ARHGEF26: variants seen among roughly 807,000 people sequenced by gnomAD.
ARHGEF26 encodes the protein Rho guanine nucleotide exchange factor (GEF) 26.
In ARHGEF26, 59 loss-of-function variants were observed where a neutral mutation model predicts 89.4. The observed-to-expected ratio is 0.66, with a 90% CI of 0.54 to 0.82. The LOEUF (loss-of-function observed/expected upper bound fraction) is 0.82, where lower values mean the gene tolerates loss of function less well. ARHGEF26 is among the 40% of genes least tolerant of loss of function. ARHGEF26 has a pLI of 0.00. For missense variants in ARHGEF26, 1,234 were observed against 1,085.6 expected (o/e 1.14, Z -1.92); for synonymous variants, 500 against 428.4 (o/e 1.17, Z -2.06).
intron 12 of ARHGEF26, among the ~76,000 whole-genome samples, chr3:154,249,110 G>A (rs1158553123): frequency 6.6e-6 from 1 of 152,220 alleles, no homozygotes; most frequent in African/African-American, 2.4e-5. Flanking sequence ...TAAAAGGAAG[G>A]TTAAAGAGCA....
chr3:154,161,100 T>TGTG (rs1553740490), intron 6 of ARHGEF26, among the ~76,000 whole-genome samples: 3 of 17,630 alleles, frequency 1.7e-4, no homozygotes, highest in African/African-American at 2.7e-4. Context: ...GTAGCCAGGT[T>TGTG]TGTGTGTGTG....
intron 6 of ARHGEF26, among the ~76,000 whole-genome samples, chr3:154,157,236 T>G (rs1720390238): frequency 6.6e-6 from 1 of 152,126 alleles, no homozygotes; most frequent in African/African-American, 2.4e-5. Flanking sequence ...TCCAAAGCAT[T>G]TCAGCTGGTG....
chr3:154,209,593 C>T (rs972430255), intron 9 of ARHGEF26, among the ~76,000 whole-genome samples: 1 of 152,234 alleles, frequency 6.6e-6, no homozygotes, highest in African/African-American at 2.4e-5. Flanking sequence ...CCCTTACTGT[C>T]TCCCAGATAC....
In ARHGEF26 at chr3:154,256,856, T is replaced by C; in HGVS notation, c.*1383T>C. ...ACTGTGAGTTTCTATAGAACTTTAC[T>C]TTTTCCACTAGTGCACAGAGAGAGA... On this transcript the variant is annotated 3_prime_UTR_variant, in exon 15 of 15. Transcript: ENST00000465093. 6.5e-7 allele frequency: 1 copy of C among 1,533,682 alleles called. No homozygotes were observed. The highest frequency in any genetic ancestry group is 1.4e-5 in the African/African-American group (1 of 73,018).
At chr3:154,195,699 T>C (rs1714248115) in intron 9 of ARHGEF26, among the ~76,000 whole-genome samples, 1 of 152,174 alleles carries the variant, frequency 6.6e-6, no homozygotes, top group Non-Finnish European at 1.5e-5. Flanking sequence ...TTGAGATTCC[T>C]ATAGAACGTC....
rs1718080813 is a variant in ARHGEF26, at chr3:154,122,924, G to C, written c.932G>C (p.Gly311Ala). Residue 311 changes from glycine (G) to alanine (A), a missense_variant, in exon 2 of 15, where the codon GGC (glycine) becomes GCC (alanine). By Grantham distance (60) the Gly-to-Ala change is moderately conservative (BLOSUM62 0). Coordinates refer to ENST00000465093, the MANE Select transcript of ARHGEF26 (RefSeq NM_015595.4). ...DVDSPGSLRR[G>A]LRSTSYRRAV... ...GATAGCCCAGGGTCTCTGCGGAGAG[G>C]CTTGCGGTCCACGTCTTATCGCAGG... is the stretch of plus-strand genomic sequence containing the variant. 1.2e-6 allele frequency: 2 copies of C among 1,613,446 alleles called. No individual in the cohort carries two copies. Among genetic ancestry groups the C allele is most frequent in the Non-Finnish European group, 1.7e-6 (2 of 1,179,726 alleles).
chr3:154,132,859 A>G (rs1718771089), intron 4 of ARHGEF26, among the ~76,000 whole-genome samples: 1 of 152,032 alleles, frequency 6.6e-6, no homozygotes, highest in African/African-American at 2.4e-5. Flanking sequence ...TAATAATCAA[A>G]ATAGTAAGGT....
intron 9 of ARHGEF26, among the ~76,000 whole-genome samples, chr3:154,207,304 C>T (rs1048614504): frequency 1.2e-4 from 19 of 152,242 alleles, no homozygotes; most frequent in African/African-American, 3.9e-4. Context: ...AAACTCTCAA[C>T]AGAGTAAACA....
chr3:154,185,933 CTTA>C (rs1038181582), intron 6 of ARHGEF26, among the ~76,000 whole-genome samples: 1 of 152,176 alleles, frequency 6.6e-6, no homozygotes, highest in African/African-American at 2.4e-5. Flanking sequence ...AGACCAAATA[CTTA>C]TTATTACCAC....
intron 6 of ARHGEF26, among the ~76,000 whole-genome samples, chr3:154,169,012 G>C (rs1223082184): frequency 6.6e-6 from 1 of 151,790 alleles, no homozygotes; most frequent in Non-Finnish European, 1.5e-5. Flanking sequence ...GAAATGTAAA[G>C]TACAAGGTGG....
intron 9 of ARHGEF26, among the ~76,000 whole-genome samples, chr3:154,213,809 C>CT (rs1172446943): frequency 6.6e-6 from 1 of 151,908 alleles, no homozygotes; most frequent in African/African-American, 2.4e-5. Flanking sequence ...TAAATTGTTT[C>CT]TTTTTTTTAA....
chr3:154,197,629 G>A (rs1261955541), intron 9 of ARHGEF26, among the ~76,000 whole-genome samples: 2 of 152,172 alleles, frequency 1.3e-5, no homozygotes, highest in South Asian at 2.1e-4. Flanking sequence ...ATAATACTTT[G>A]CTGAAATTGC....
intron 6 of ARHGEF26, among the ~76,000 whole-genome samples, chr3:154,170,425 AC>A (rs1712353579): frequency 6.6e-6 from 1 of 152,198 alleles, no homozygotes; most frequent in African/African-American, 2.4e-5. Context: ...ATAACTCAGG[AC>A]TATGAAATAC....
At chr3:154,180,829 A>T (rs1713137000) in intron 6 of ARHGEF26, among the ~76,000 whole-genome samples, 1 of 151,960 alleles carries the variant, frequency 6.6e-6, no homozygotes, top group Non-Finnish European at 1.5e-5. Context: ...CCAGATCAGG[A>T]TGTAGGTAGG....
At chr3:154,251,443 G>C (rs1245511481) in intron 12 of ARHGEF26, among the ~76,000 whole-genome samples, 2 of 152,178 alleles carry the variant, frequency 1.3e-5, no homozygotes, top group African/African-American at 4.8e-5. Context: ...TATGTGATGA[G>C]TTATATAATT....
chr3:154,217,170 A>G (rs1452729790), intron 9 of ARHGEF26, among the ~76,000 whole-genome samples: 7 of 150,212 alleles, frequency 4.7e-5, no homozygotes, highest in Non-Finnish European at 1.0e-4. Flanking sequence ...AAGTGTTCCT[A>G]TTTCTCCACA....
intron 12 of ARHGEF26, among the ~76,000 whole-genome samples, chr3:154,241,808 G>T (rs1282834207): frequency 1.3e-5 from 2 of 152,202 alleles, no homozygotes; most frequent in Non-Finnish European, 2.9e-5. Context: ...ACAGGCCAGG[G>T]TAATTAGACA....
At chr3:154,229,776 C>G (rs1163285403) in intron 11 of ARHGEF26, among the ~76,000 whole-genome samples, 1 of 152,162 alleles carries the variant, frequency 6.6e-6, no homozygotes, top group African/African-American at 2.4e-5. Flanking sequence ...AACCACTATA[C>G]TAGCATGGTA....
chr3:154,160,161 G>T (rs1158527215), intron 6 of ARHGEF26, among the ~76,000 whole-genome samples: 1 of 152,086 alleles, frequency 6.6e-6, no homozygotes, highest in African/African-American at 2.4e-5. Flanking sequence ...TGAGATTAAT[G>T]ACAAAGAAGT....
Sources: gnomAD v4.1 joint callset for allele counts (sites outside exome capture counted in the v4.1 genomes callset) on GRCh38, gnomAD v4.1.1 for gene constraint, MANE v1.5 for transcripts, NCBI Gene and HGNC (gene_info 2026-07-23, HGNC 2026-07-21) for gene names.